Variants in XKR6 observed in about 807,000 individuals in gnomAD.
XKR6 encodes the protein XK related 6.
A neutral mutation model predicts 56.7 loss-of-function variants in XKR6; 22 were observed. That is an observed-to-expected ratio of 0.39 (90% CI 0.28 to 0.55). XKR6 has a LOEUF of 0.55. Among genes scored for constraint, XKR6 ranks in the 20% least tolerant of loss-of-function variants. The pLI, the probability that XKR6 is intolerant of heterozygous loss-of-function variation, is 0.66. For missense variants in XKR6, 852 were observed against 889.0 expected, an observed-to-expected ratio of 0.96 and a Z score of 0.53; for synonymous variants, 524 against 387.8, an observed-to-expected ratio of 1.35 and a Z score of -4.13.
At chr8:11,080,807 T>A (rs1220894275) in intron 1 of XKR6, among the ~76,000 whole-genome samples, 1 of 152,252 alleles carries the variant, frequency 6.6e-6, no homozygotes, top group Admixed American at 6.5e-5. Flanking sequence ...GTCTGGCCAC[T>A]CTGTGGCTTA....
At chr8:10,979,115 TC>T (rs528339046) in intron 1 of XKR6, among the ~76,000 whole-genome samples, 64 of 151,562 alleles carry the variant, frequency 4.2e-4, no homozygotes, top group African/African-American at 1.4e-3. Context: ...CTTCCCTGAA[TC>T]CCCCAATGAG....
At chr8:10,953,089 G>C (rs1192083047) in intron 1 of XKR6, among the ~76,000 whole-genome samples, 1 of 152,162 alleles carries the variant, frequency 6.6e-6, no homozygotes, top group Middle Eastern at 3.2e-3. Flanking sequence ...CACTGATTCT[G>C]CACTGTGGTG....
intron 1 of XKR6, among the ~76,000 whole-genome samples, chr8:11,181,484 CAAT>C (rs1233889521): frequency 6.6e-6 from 1 of 152,204 alleles, no homozygotes; most frequent in African/African-American, 2.4e-5. Context: ...TTCCACTCAA[CAAT>C]GAGAACAATT....
At chr8:11,177,109 G>T (rs115818885) in intron 1 of XKR6, among the ~76,000 whole-genome samples, 3,263 of 152,232 alleles carry the variant, frequency 0.021, 109 homozygotes, top group African/African-American at 0.075. Context: ...TAAGGAAATG[G>T]AGAAAAAGCA....
chr8:10,942,612 C>G (rs978019656), intron 1 of XKR6, among the ~76,000 whole-genome samples: 2 of 152,232 alleles, frequency 1.3e-5, no homozygotes, highest in Non-Finnish European at 2.9e-5. Context: ...CAGGAGCCCT[C>G]AAATTACGAA....
intron 2 of XKR6, among the ~76,000 whole-genome samples, chr8:10,923,690 G>T (rs952408518): frequency 6.6e-6 from 1 of 152,238 alleles, no homozygotes; most frequent in Non-Finnish European, 1.5e-5. Context: ...GTCCGTGTGG[G>T]TGTCCATGAA....
chr8:11,103,565 G>A (rs578052397), intron 1 of XKR6, among the ~76,000 whole-genome samples: 228 of 152,266 alleles, frequency 1.5e-3, no homozygotes, highest in African/African-American at 5.3e-3. Flanking sequence ...TCTGTGATGT[G>A]GGTTTCTAAG....
chr8:11,006,340 C>A (rs777793704), intron 1 of XKR6, among the ~76,000 whole-genome samples: 3 of 152,042 alleles, frequency 2.0e-5, no homozygotes, highest in African/African-American at 7.2e-5. Context: ...AGGCCTTCTG[C>A]CTGGGTATTA....
chr8:11,172,989 T>A (rs538256836), intron 1 of XKR6, among the ~76,000 whole-genome samples: 1 of 152,148 alleles, frequency 6.6e-6, no homozygotes, highest in Non-Finnish European at 1.5e-5. Context: ...CATTAACAGA[T>A]CTATAATTTC....
chr8:10,926,571 C>A (rs991267513), intron 1 of XKR6, among the ~76,000 whole-genome samples: 1 of 152,228 alleles, frequency 6.6e-6, no homozygotes, highest in African/African-American at 2.4e-5. Flanking sequence ...ATGGCCCCAT[C>A]AGGGAGGGAT....
chr8:11,131,731 TTTTTACTACACC>T (rs780925839), intron 1 of XKR6, among the ~76,000 whole-genome samples: 2 of 152,158 alleles, frequency 1.3e-5, no homozygotes, highest in African/African-American at 2.4e-5. Flanking sequence ...TTATACCATA[TTTTTACTACACC>T]TTTTCTATGT....
In XKR6 at chr8:11,045,157, G is replaced by A. The variant is rs147035916; in HGVS notation, c.765-120327C>T. On this transcript the variant is annotated intron_variant, in intron 1 of 2. Transcript: ENST00000416569. ...GCCGGAGTGCAGTGGCACGATCTCA[G>A]CTCATTGCAACCTCTGCCTCCAGGT... 5.9e-3 allele frequency among the ~76,000 whole-genome samples: 732 copies of A among 124,868 alleles called. 3 individuals carry two copies. The highest frequency in any genetic ancestry group is 0.021 in the African/African-American group (688 of 32,360). The allele number at this position is 124,868 out of a possible 152,430, so 81.9% of individuals were successfully genotyped here. A position where few individuals can be genotyped will look rare whatever the true frequency, so the allele number is the denominator to read the frequency against.
chr8:11,182,221 A>C (rs1803025233), intron 1 of XKR6, among the ~76,000 whole-genome samples: 1 of 152,194 alleles, frequency 6.6e-6, no homozygotes, highest in African/African-American at 2.4e-5. Context: ...CCTTGCTATA[A>C]GGTGGTGGTG....
chr8:10,919,345 C>T (rs753774636), intron 2 of XKR6, among the ~76,000 whole-genome samples: 1 of 152,220 alleles, frequency 6.6e-6, no homozygotes, highest in Non-Finnish European at 1.5e-5. Flanking sequence ...CTTTCTCCAA[C>T]CCCAACCAGT....
intron 1 of XKR6, among the ~76,000 whole-genome samples, chr8:11,103,344 CAGG>C (rs568581226): frequency 6.2e-4 from 94 of 152,278 alleles, no homozygotes; most frequent in South Asian, 1.7e-3. Flanking sequence ...TTCAAACATT[CAGG>C]AGTTCAATCA....
intron 1 of XKR6, among the ~76,000 whole-genome samples, chr8:11,118,016 C>A (rs1352841956): frequency 6.6e-6 from 1 of 152,006 alleles, no homozygotes; most frequent in African/African-American, 2.4e-5. Flanking sequence ...TACACCAGCA[C>A]CAACTTTTTG....
chr8:11,094,890 G>A (rs557725474), intron 1 of XKR6, among the ~76,000 whole-genome samples: 1 of 152,296 alleles, frequency 6.6e-6, no homozygotes, highest in African/African-American at 2.4e-5. Context: ...TAAAAAATAG[G>A]CTGAAGGAGG....
chr8:11,119,110 T>C (rs1319142191), intron 1 of XKR6, among the ~76,000 whole-genome samples: 1 of 152,146 alleles, frequency 6.6e-6, no homozygotes, highest in Non-Finnish European at 1.5e-5. Flanking sequence ...TCCATGTAGT[T>C]GAGCAGTTTT....
intron 1 of XKR6, chr8:11,002,397 C>A: frequency 2.6e-6 from 1 of 383,000 alleles, no homozygotes. Context: ...CCCAGCAGTT[C>A]TGTTGGCCTG....
Sources: gnomAD v4.1 joint callset for allele counts (sites outside exome capture counted in the v4.1 genomes callset) on GRCh38, gnomAD v4.1.1 for gene constraint, MANE v1.5 for transcripts, NCBI Gene and HGNC (gene_info 2026-07-23, HGNC 2026-07-21) for gene names.